The following IL1RAPL2 variants were observed in gnomAD, a reference collection of about 807,000 sequenced individuals.
IL1RAPL2 encodes the protein X-linked interleukin-1 receptor accessory protein-like 2.
Under a neutral mutation model 44.1 loss-of-function variants are expected in IL1RAPL2, and 3 were observed. The ratio of observed to expected loss-of-function variants is 0.07; its 90% CI spans 0.03 to 0.18. IL1RAPL2 has a LOEUF of 0.18. Ranked by LOEUF, IL1RAPL2 falls within the 10% of genes least tolerant of loss-of-function variation. The probability of loss-of-function intolerance (pLI) is 1.00; values close to 1 mark genes in which losing one functional copy is unlikely to be tolerated. For missense variants in IL1RAPL2, 391 were observed against 496.4 expected (o/e 0.79, Z 2.02); for synonymous variants, 181 against 178.8 (o/e 1.01, Z -0.10).
rs782700341 is a variant in IL1RAPL2, at chrX:105,227,725, G to T, written c.357-6093G>T. Among the ~76,000 whole-genome samples the T allele has an allele frequency of 4.5e-5, 5 of 111,973 alleles. No homozygotes were observed. In the East Asian group the frequency reaches 1.4e-3, roughly 31 times the overall value. On this transcript the variant is annotated intron_variant, in intron 3 of 10. Transcript: ENST00000372582. ...CTTGGTCTTTTAATGCATTAACATT[G>T]CAAGTTTGCAGTTTTATGTAATTAT...
Position 105,691,924 on chromosome X carries a change from AG to A in IL1RAPL2, c.773-25442del, listed in dbSNP as rs749870265. ...ACTTTAAAAATTCCAGTTATAACAT[AG>A]CTGAAAGAAAATGAGCAGATCTAGA... On this transcript the variant is annotated intron_variant, in intron 6 of 10. Transcript: ENST00000372582. 8.9e-5 allele frequency among the ~76,000 whole-genome samples: 10 copies of A among 112,043 alleles called. No homozygotes were observed. In the South Asian group the frequency reaches 3.7e-3, roughly 41 times the overall value.
At chrX:105,698,458 T>C (rs1346330604) in intron 6 of IL1RAPL2, among the ~76,000 whole-genome samples, 2 of 111,831 alleles carry the variant, frequency 1.8e-5, no homozygotes, top group Non-Finnish European at 3.8e-5. Context: ...TAAGTAAAAT[T>C]TGAGTTGGTG....
At chrX:104,910,783 A>G (rs1444714547) in intron 2 of IL1RAPL2, among the ~76,000 whole-genome samples, 1 of 111,942 alleles carries the variant, frequency 8.9e-6, no homozygotes. Flanking sequence ...AGCTCTCTAT[A>G]CAGAAAGAAA....
chrX:105,621,883 C>T (rs1286056869), intron 6 of IL1RAPL2, among the ~76,000 whole-genome samples: 1 of 110,841 alleles, frequency 9.0e-6, no homozygotes, highest in African/African-American at 3.3e-5. Flanking sequence ...TAAGCTGACC[C>T]ATGTGTGTAG....
chrX:105,454,823 C>A (rs2036043907), intron 5 of IL1RAPL2, among the ~76,000 whole-genome samples: 1 of 111,124 alleles, frequency 9.0e-6, no homozygotes, highest in South Asian at 3.8e-4. Flanking sequence ...TGCCCTACCC[C>A]CAAGTACTTC....
intron 2 of IL1RAPL2, among the ~76,000 whole-genome samples, chrX:104,790,082 T>C (rs1683409255): frequency 8.9e-6 from 1 of 112,167 alleles, no homozygotes; most frequent in Non-Finnish European, 1.9e-5. Flanking sequence ...ATTTTTATGG[T>C]GCTGCATGCA....
intron 10 of IL1RAPL2, chrX:105,765,278 A>G (rs2038720408): frequency 8.9e-6 from 1 of 112,205 alleles, no homozygotes; most frequent in African/African-American, 3.2e-5. Flanking sequence ...CTGTTGATAC[A>G]TTGGGAAAAT....
intron 6 of IL1RAPL2, among the ~76,000 whole-genome samples, chrX:105,491,570 C>T (rs181445040): frequency 3.8e-4 from 42 of 111,969 alleles, no homozygotes; most frequent in African/African-American, 1.4e-3. Flanking sequence ...TCTTGGCACA[C>T]GTAATGGGAG....
intron 2 of IL1RAPL2, among the ~76,000 whole-genome samples, chrX:105,095,731 A>G (rs1210438688): frequency 1.8e-5 from 2 of 112,303 alleles, no homozygotes; most frequent in East Asian, 5.6e-4. Context: ...AGCTAAAACA[A>G]TAAAACTCTC....
chrX:105,173,444 C>T (rs780384216), intron 2 of IL1RAPL2, among the ~76,000 whole-genome samples: 1 of 111,836 alleles, frequency 8.9e-6, no homozygotes, highest in African/African-American at 3.2e-5. Context: ...GTAGCCAGGC[C>T]TCTGTTGTCT....
intron 2 of IL1RAPL2, among the ~76,000 whole-genome samples, chrX:105,035,826 G>A (rs1018858105): frequency 8.9e-6 from 1 of 112,458 alleles, no homozygotes; most frequent in Non-Finnish European, 1.9e-5. Context: ...TATTCCATGA[G>A]AAATTAATTT....
chrX:104,920,805 A>G lies in IL1RAPL2; in HGVS notation c.82+261810A>G, dbSNP rs150115488. On this transcript the variant is annotated intron_variant, in intron 2 of 10. Coordinates refer to ENST00000372582, the MANE Select transcript of IL1RAPL2 (RefSeq NM_017416.2). Reference sequence around the variant, plus strand: ...TTTTAAAAACACTAAAAAAGGAGAGATTAAAGATGCTGATTAGATACAGCT... The same window carrying G: ...TTTTAAAAACACTAAAAAAGGAGAGGTTAAAGATGCTGATTAGATACAGCT... Among the ~76,000 whole-genome samples, 186 of 110,537 alleles carry G rather than the reference A, an allele frequency of 1.7e-3. 4 individuals are homozygous for G. The East Asian group carries it at 0.04, about 24-fold the overall frequency.
intron 5 of IL1RAPL2, among the ~76,000 whole-genome samples, chrX:105,354,451 G>A (rs990164428): frequency 6.2e-5 from 6 of 96,642 alleles, no homozygotes; most frequent in South Asian, 5.4e-4. Flanking sequence ...GAATTGAACA[G>A]TGAGAACACA....
At chrX:104,914,928 G>A (rs1349000111) in intron 2 of IL1RAPL2, among the ~76,000 whole-genome samples, 1 of 111,694 alleles carries the variant, frequency 9.0e-6, no homozygotes, top group Non-Finnish European at 1.9e-5. Flanking sequence ...GTATTCCATG[G>A]TGTATATGTG....
intron 2 of IL1RAPL2, among the ~76,000 whole-genome samples, chrX:104,698,935 A>G (rs1427049297): frequency 9.0e-6 from 1 of 110,918 alleles, no homozygotes; most frequent in Admixed American, 9.6e-5. Context: ...TGAGATGACA[A>G]TCTCTCTCTT....
chrX:105,363,310 T>A lies in IL1RAPL2; in HGVS notation c.697+95769T>A, dbSNP rs1222995177. Among the ~76,000 whole-genome samples, 32 of 73,837 alleles carry A rather than the reference T, an allele frequency of 4.3e-4. 1 individual carries two copies. Among genetic ancestry groups the A allele is most frequent in the Middle Eastern group, 6.1e-3 (1 of 164 alleles). The allele number at this position is 73,837 out of a possible 115,157, so 64.1% of individuals were successfully genotyped here. On this transcript the variant is annotated intron_variant, in intron 5 of 10. Transcript: ENST00000372582. ...ATATAATATATATATATATATATAA[T>A]ATATATATATATATATATATTCTTC...
intron 1 of IL1RAPL2, among the ~76,000 whole-genome samples, chrX:104,599,867 T>C (rs1401841334): frequency 1.8e-5 from 2 of 111,448 alleles, no homozygotes; most frequent in Admixed American, 9.6e-5. Flanking sequence ...GTGAGTTTTT[T>C]TTGTGTGTGT....
rs781956416 is a variant in IL1RAPL2, at chrX:105,207,752, G to A, written c.356+12004G>A. Among the ~76,000 whole-genome samples, 39 of 111,522 alleles carry A rather than the reference G, an allele frequency of 3.5e-4. 1 individual carries two copies. The highest frequency in any genetic ancestry group is 1.3e-3 in the African/African-American group (39 of 30,727). On this transcript the variant is annotated intron_variant, in intron 3 of 10. Transcript: ENST00000372582. Reference sequence around the variant, plus strand: ...CCTATTCTGCACAATAAAATCTCAGGAACTAACCTGCCATACCAAGGATCT... The same window carrying A: ...CCTATTCTGCACAATAAAATCTCAGAAACTAACCTGCCATACCAAGGATCT...
rs2057431253 is a variant in IL1RAPL2 at position 104,890,166 on chromosome X, T to TA, written c.82+231172dup. Reference sequence around the variant, plus strand: ...TGGCTGCATAGTATACTGTGGTGTATATGTCCCACATTTTCTTAATCCAGT... The same window carrying TA: ...TGGCTGCATAGTATACTGTGGTGTATAATGTCCCACATTTTCTTAATCCAGT... On this transcript the variant is annotated intron_variant, in intron 2 of 10. Coordinates refer to ENST00000372582, the MANE Select transcript of IL1RAPL2 (RefSeq NM_017416.2). Among the ~76,000 whole-genome samples the TA allele has an allele frequency of 5.3e-5, 6 of 112,227 alleles. No individual in the cohort carries two copies. The Admixed American group carries it at 5.7e-4, about 11-fold the overall frequency.
Sources: allele counts gnomAD v4.1 joint callset (sites outside exome capture counted in the v4.1 genomes callset), GRCh38; gene constraint gnomAD v4.1.1; transcripts MANE v1.5; gene names NCBI Gene and HGNC (gene_info 2026-07-23, HGNC 2026-07-21).